Variants in ELOB observed in about 807,000 individuals in gnomAD.
ELOB encodes the protein elongin-B.
ELOB carries 3 observed loss-of-function variants against 12.9 expected under a neutral mutation model. The ratio of observed to expected loss-of-function variants is 0.23; its 90% CI spans 0.11 to 0.60. The LOEUF (loss-of-function observed/expected upper bound fraction) is 0.60, where lower values mean the gene tolerates loss of function less well. Among genes scored for constraint, ELOB ranks in the 20% least tolerant of loss-of-function variants. The pLI is 0.89. For synonymous variants in ELOB, 84 were observed against 67.4 expected, an observed-to-expected ratio of 1.25 and a Z score of -1.21; for missense variants, 126 against 159.2, an observed-to-expected ratio of 0.79 and a Z score of 1.12.
chr16:2,771,702 C>T lies in ELOB; in HGVS notation c.*288G>A. On this transcript the variant is annotated 3_prime_UTR_variant, in exon 4 of 4. Coordinates refer to ENST00000409906, the MANE Select transcript of ELOB (RefSeq NM_007108.4). ...GTCTTTGTGTCTCTCCCAGTCCTTCCCTTTCCTCCCCCTGGCGTGGTTGGT... is the reference window on the plus strand; with the variant it reads ...GTCTTTGTGTCTCTCCCAGTCCTTCTCTTTCCTCCCCCTGGCGTGGTTGGT... The T allele has an allele frequency of 1.3e-6, 2 of 1,577,420 alleles. No individual in the cohort carries two copies. The highest frequency in any genetic ancestry group is 1.3e-5 in the African/African-American group (1 of 74,250).
chr16:2,774,134 G>C (rs1219616686), intron 3 of ELOB, among the ~76,000 whole-genome samples: 1 of 152,224 alleles, frequency 6.6e-6, no homozygotes, highest in Non-Finnish European at 1.5e-5. Flanking sequence ...GGCCACTGAG[G>C]CAAGAGAATC....
At chr16:2,775,363 A>G in intron 3 of ELOB, 88 bp downstream of exon 3, 1 of 895,986 alleles carries the variant, frequency 1.1e-6, no homozygotes, top group Non-Finnish European at 1.7e-6. Context: ...TGAAGGCTTC[A>G]ACTCCAGGCT....
intron 3 of ELOB, among the ~76,000 whole-genome samples, chr16:2,774,447 G>C (rs1192554909): frequency 6.6e-6 from 1 of 152,218 alleles, no homozygotes; most frequent in African/African-American, 2.4e-5. Context: ...ACCCCTTTAA[G>C]GAGAAGGGAA....
intron 2 of ELOB, among the ~76,000 whole-genome samples, chr16:2,776,521 G>C (rs771590780): frequency 1.3e-5 from 2 of 152,202 alleles, no homozygotes; most frequent in Non-Finnish European, 2.9e-5. Flanking sequence ...ACGGTTGCTT[G>C]GTGAAGAACG....
rs2068752740 is a variant in ELOB at position 2,771,668 on chromosome 16, C to T, written c.*322G>A. ...AAACTGGAATCTCTTGTCCCTGAGGCTGGCTCTGGTCTTTGTGTCTCTCCC... is the reference window on the plus strand; with the variant it reads ...AAACTGGAATCTCTTGTCCCTGAGGTTGGCTCTGGTCTTTGTGTCTCTCCC... On this transcript the variant is annotated 3_prime_UTR_variant, in exon 4 of 4. Coordinates refer to ENST00000409906, the MANE Select transcript of ELOB (RefSeq NM_007108.4). 6.2e-6 allele frequency: 10 copies of T among 1,607,850 alleles called. No homozygotes were observed. Among genetic ancestry groups the T allele is most frequent in the Non-Finnish European group, 8.5e-6 (10 of 1,177,430 alleles).
chr16:2,771,523 C>G lies in ELOB; in HGVS notation c.*467G>C. Reference sequence around the variant, plus strand: ...GTGTGGGTCCGTCTTGGGGTTCCCTCGTTGAACATGCTGTCAAACCAGGAC... The same window carrying G: ...GTGTGGGTCCGTCTTGGGGTTCCCTGGTTGAACATGCTGTCAAACCAGGAC... On this transcript the variant is annotated 3_prime_UTR_variant, in exon 4 of 4. Coordinates refer to ENST00000409906, the MANE Select transcript of ELOB (RefSeq NM_007108.4). 6.2e-7 allele frequency: 1 copy of G among 1,614,186 alleles called. No individual in the cohort carries two copies. The highest frequency in any genetic ancestry group is 8.5e-7 in the Non-Finnish European group (1 of 1,180,028).
Position 2,775,536 on chromosome 16 carries a change from A to G in ELOB, c.159T>C (p.Asp53=), listed in dbSNP as rs2068794199. The G allele has an allele frequency of 1.2e-6, 2 of 1,609,008 alleles. No homozygotes were observed. The highest frequency in any genetic ancestry group is 1.7e-6 in the Non-Finnish European group (2 of 1,179,756). ...AGCCACACTCGCCCAGTGTCTTGCCATCATCCAAGAGTTGGTCATCCTGAG... is the reference window on the plus strand; with the variant it reads ...AGCCACACTCGCCCAGTGTCTTGCCGTCATCCAAGAGTTGGTCATCCTGAG... ...RLYKDDQLLD[D]GKTLGECGFT... Residue 53 remains aspartate (D), a synonymous_variant, in exon 3 of 4, where the codon GAT becomes GAC. Coordinates refer to ENST00000409906, the MANE Select transcript of ELOB (RefSeq NM_007108.4).
At chr16:2,772,545 A>C (rs1048003945) in intron 3 of ELOB, 1 of 149,746 alleles carries the variant, frequency 6.7e-6, no homozygotes, top group Non-Finnish European at 1.5e-5. Context: ...ATACAAAAAA[A>C]AAAAAAAAAA....
chr16:2,775,650 A>ACTCTCTCTTCCCTCCTCT, intron 2 of ELOB, 94 bp from the exon 3 acceptor site: 2 of 946,786 alleles, frequency 2.1e-6, no homozygotes, highest in Non-Finnish European at 3.2e-6. Context: ...AGAGGAGGGA[A>ACTCTCTCTTCCCTCCTCT]GAGAGAGTTC....
chr16:2,773,101 A>AC (rs1194765942), intron 3 of ELOB, among the ~76,000 whole-genome samples: 4 of 151,968 alleles, frequency 2.6e-5, no homozygotes, highest in South Asian at 4.2e-4. Flanking sequence ...CCCTACTGTC[A>AC]CCCCAACACA....
intron 3 of ELOB, among the ~76,000 whole-genome samples, chr16:2,772,980 C>T (rs996043982): frequency 2.6e-5 from 4 of 152,150 alleles, no homozygotes; most frequent in African/African-American, 4.8e-5. Flanking sequence ...CTCCAGTCCA[C>T]GCACCCCCAA....
Position 2,771,769 on chromosome 16 carries a change from A to G in ELOB, c.*221T>C, listed in dbSNP as rs964157205. 2.8e-5 allele frequency: 41 copies of G among 1,474,398 alleles called. No individual in the cohort carries two copies. Among genetic ancestry groups the G allele is most frequent in the Non-Finnish European group, 3.3e-5 (37 of 1,117,916 alleles). The allele number at this position is 1,474,398 out of a possible 1,614,324, so 91.3% of individuals were successfully genotyped here. ...TAACAATGGCTTGGGTCTCAGGGCA[A>G]CCCAGGTCCCCATGGTGCCTTTAAG... is the stretch of plus-strand genomic sequence containing the variant. On this transcript the variant is annotated 3_prime_UTR_variant, in exon 4 of 4. Transcript: ENST00000409906.
At position 2,777,098 on chromosome 16, in the gene ELOB, C is replaced by T; in HGVS notation, c.33G>A (p.Lys11=). 1 of 1,591,816 alleles carries T rather than the reference C, an allele frequency of 6.3e-7. No homozygotes were observed. Among genetic ancestry groups the T allele is most frequent in the Non-Finnish European group, 8.5e-7 (1 of 1,170,990 alleles). Residue 11 remains lysine, a synonymous_variant, in exon 2 of 4, where the codon AAG becomes AAA. Transcript: ENST00000409906. The part of the protein sequence containing the change: MDVFLMIRRH[K]TTIFTDAKES... ...CCTTGGCGTCCGTGAAGATGGTGGT[C>T]TTGTGGCGCCGGATCATGAGGAACA...
rs758592257 is a variant in ELOB at position 2,772,077 on chromosome 16, G to T, written c.270C>A (p.Ile90=). 5.0e-6 allele frequency: 8 copies of T among 1,612,188 alleles called. 1 individual carries two copies. The South Asian group carries it at 8.8e-5, about 18-fold the overall frequency. The change falls in exon 4 of 4, where the codon ATC becomes ATA. Residue 90 remains isoleucine, a synonymous_variant. Coordinates refer to ENST00000409906, the MANE Select transcript of ELOB (RefSeq NM_007108.4). ...GCTCTGGCGGGCTGGAAAACGGCTC[G>T]ATGCACAGGGCCTCAAAGGTGTCAT... The part of the protein sequence containing the change: ...RADDTFEALC[I]EPFSSPPELP...
At chr16:2,773,619 G>C (rs2068782261) in intron 3 of ELOB, among the ~76,000 whole-genome samples, 1 of 152,182 alleles carries the variant, frequency 6.6e-6, no homozygotes, top group South Asian at 2.1e-4. Flanking sequence ...CCATGGGGAA[G>C]CAAAGAGCTG....
rs2068753139 is a variant in ELOB at position 2,771,681 on chromosome 16, TTG to T, written c.*307_*308del. The T allele has an allele frequency of 1.6e-5, 25 of 1,601,284 alleles. No homozygotes were observed. Among genetic ancestry groups the T allele is most frequent in the Admixed American group, 3.4e-5 (2 of 59,280 alleles). ...TTGTCCCTGAGGCTGGCTCTGGTCT[TTG>T]TGTCTCTCCCAGTCCTTCCCTTTCC... is the stretch of plus-strand genomic sequence containing the variant. On this transcript the variant is annotated 3_prime_UTR_variant, in exon 4 of 4. Transcript: ENST00000409906.
chr16:2,773,348 C>T (rs2068780169), intron 3 of ELOB, among the ~76,000 whole-genome samples: 1 of 152,154 alleles, frequency 6.6e-6, no homozygotes, highest in Non-Finnish European at 1.5e-5. Context: ...CAATCCAGCC[C>T]AATGTGCCCA....
intron 2 of ELOB, among the ~76,000 whole-genome samples, chr16:2,776,085 C>G (rs538874844): frequency 6.6e-6 from 1 of 152,278 alleles, no homozygotes; most frequent in African/African-American, 2.4e-5. Flanking sequence ...GCAAAGTTTC[C>G]TCATCTGTAA....
At chr16:2,772,271 G>T in intron 3 of ELOB, 169 bp from the exon 4 acceptor site, 1 of 759,854 alleles carries the variant, frequency 1.3e-6, no homozygotes, top group Non-Finnish European at 1.9e-6. Flanking sequence ...TACCCCCGTG[G>T]CCCCACGGTA....
Sources: gnomAD v4.1 joint callset for allele counts (sites outside exome capture counted in the v4.1 genomes callset) on GRCh38, gnomAD v4.1.1 for gene constraint, MANE v1.5 for transcripts, NCBI Gene and HGNC (gene_info 2026-07-23, HGNC 2026-07-21) for gene names.